Variants in SARNP observed in about 807,000 individuals in gnomAD.
The protein encoded by SARNP is SAP domain-containing ribonucleoprotein.
A neutral mutation model predicts 38.1 loss-of-function variants in SARNP; 5 were observed. The ratio of observed to expected loss-of-function variants is 0.13; its 90% CI spans 0.07 to 0.28. The LOEUF (loss-of-function observed/expected upper bound fraction) is 0.28, where lower values mean the gene tolerates loss of function less well. Among genes scored for constraint, SARNP ranks in the 10% least tolerant of loss-of-function variants. The pLI is 1.00. For missense variants in SARNP, 180 were observed against 243.9 expected, an observed-to-expected ratio of 0.74 and a Z score of 1.75; for synonymous variants, 84 against 80.6, an observed-to-expected ratio of 1.04 and a Z score of -0.23.
At chr12:55,753,359 T>A (rs575636447), downstream of SARNP, 1 of 152,310 alleles carries the variant, frequency 6.6e-6, no homozygotes, top group Admixed American at 6.5e-5. Context: ...TAAAATAGCA[T>A]CTCAAATATT....
chr12:55,777,104 T>C (rs1225143477), intron 9 of SARNP, among the ~76,000 whole-genome samples: 2 of 152,292 alleles, frequency 1.3e-5, no homozygotes, highest in Admixed American at 6.5e-5. Flanking sequence ...CCAGGGAAAA[T>C]AGAAAAGAGT....
chr12:55,790,813 C>T (rs1198472794), intron 7 of SARNP, among the ~76,000 whole-genome samples: 1 of 152,160 alleles, frequency 6.6e-6, no homozygotes, highest in African/African-American at 2.4e-5. Context: ...AAGATAAATA[C>T]AGTTACATAT....
At chr12:55,808,066 C>T (rs1880209106) in intron 1 of SARNP, among the ~76,000 whole-genome samples, 1 of 152,156 alleles carries the variant, frequency 6.6e-6, no homozygotes, top group South Asian at 2.1e-4. Context: ...TGTAGTGAGG[C>T]GTGAGCCACT....
At chr12:55,770,009 T>C (rs530100000) in intron 9 of SARNP, among the ~76,000 whole-genome samples, 3 of 152,050 alleles carry the variant, frequency 2.0e-5, no homozygotes, top group Non-Finnish European at 4.4e-5. Flanking sequence ...GCCAGAGGTA[T>C]TGAAGTGAGA....
chr12:55,810,373 A>G (rs1173833753), intron 1 of SARNP, among the ~76,000 whole-genome samples: 3 of 151,792 alleles, frequency 2.0e-5, no homozygotes, highest in African/African-American at 7.3e-5. Context: ...TCAGCCTCCC[A>G]AAGTGTTGGT....
At chr12:55,784,652 C>T (rs1313706375) in intron 9 of SARNP, among the ~76,000 whole-genome samples, 3 of 152,212 alleles carry the variant, frequency 2.0e-5, no homozygotes, top group African/African-American at 7.2e-5. Context: ...TTCTACGCCA[C>T]TCACAAGTAT....
intron 1 of SARNP, among the ~76,000 whole-genome samples, chr12:55,806,907 G>C (rs1001913099): frequency 6.6e-6 from 1 of 152,198 alleles, no homozygotes; most frequent in African/African-American, 2.4e-5. Flanking sequence ...TATTTATTAA[G>C]TACTAAATCA....
At chr12:55,802,414 A>C (rs1880006062) in intron 2 of SARNP, among the ~76,000 whole-genome samples, 1 of 151,858 alleles carries the variant, frequency 6.6e-6, no homozygotes, top group African/African-American at 2.4e-5. Flanking sequence ...AAAATTCAAA[A>C]CCTAAAATGC....
chr12:55,782,801 A>T (rs1879377835), intron 9 of SARNP, among the ~76,000 whole-genome samples: 1 of 152,164 alleles, frequency 6.6e-6, no homozygotes, highest in South Asian at 2.1e-4. Flanking sequence ...TATGTTGCCC[A>T]GGCTTCAAAC....
chr12:55,768,924 A>G (rs1255748537), intron 9 of SARNP, among the ~76,000 whole-genome samples: 1 of 151,758 alleles, frequency 6.6e-6, no homozygotes, highest in Non-Finnish European at 1.5e-5. Flanking sequence ...GGGTTTCACC[A>G]TGTTGGCCAG....
At chr12:55,777,787 C>T (rs1879225934) in intron 9 of SARNP, among the ~76,000 whole-genome samples, 1 of 152,128 alleles carries the variant, frequency 6.6e-6, no homozygotes, top group Non-Finnish European at 1.5e-5. Context: ...AATAGTGGGA[C>T]AGTAGAAAGA....
rs553901784 is a variant in SARNP, at chr12:55,785,120, TAATC to T, written c.501+3951_501+3954del. 6.7e-3 allele frequency among the ~76,000 whole-genome samples: 1,028 copies of T among 152,302 alleles called. 15 individuals are homozygous for T. Among genetic ancestry groups the T allele is most frequent in the African/African-American group, 0.024 (978 of 41,568 alleles). On this transcript the variant is annotated intron_variant, in intron 9 of 10. Coordinates refer to ENST00000336133, the MANE Select transcript of SARNP (RefSeq NM_033082.4). Reference sequence around the variant, plus strand: ...GTATTTTATAGAAGTATCCCTGTAATAATCAAAAAAATTTTTAAACTAGTTTTTT... The same window carrying T: ...GTATTTTATAGAAGTATCCCTGTAATAAAAAAATTTTTAAACTAGTTTTTT...
intron 9 of SARNP, among the ~76,000 whole-genome samples, chr12:55,766,183 C>T (rs370408436): frequency 1.3e-5 from 2 of 152,292 alleles, no homozygotes; most frequent in African/African-American, 4.8e-5. Context: ...ATCCCTCCCC[C>T]ACTACCCTCT....
chr12:55,815,094 C>T (rs1295935464), intron 1 of SARNP, among the ~76,000 whole-genome samples: 2 of 152,046 alleles, frequency 1.3e-5, no homozygotes, highest in African/African-American at 2.4e-5. Context: ...CCTTTGTCAC[C>T]CAGGCTGAAG....
At chr12:55,757,664 G>C in intron 10 of SARNP, 111 bp from the exon 11 acceptor site, 1 of 719,014 alleles carries the variant, frequency 1.4e-6, no homozygotes, top group Non-Finnish European at 2.3e-6. Context: ...CGAGAAGGAA[G>C]GATGGCCCAG....
chr12:55,817,635 T>C (rs1476439179), intron 1 of SARNP, 31 bp downstream of exon 1: 22 of 1,604,066 alleles, frequency 1.4e-5, no homozygotes, highest in Non-Finnish European at 1.8e-5. Context: ...CCTAGAAAAG[T>C]CCAACTCAGC....
chr12:55,775,377 TG>T (rs10707465), intron 9 of SARNP, among the ~76,000 whole-genome samples: 150,306 of 150,306 alleles, frequency 1, 75,153 homozygotes, highest in Non-Finnish European at 1. Context: ...CTGGCCAACA[TG>T]GGTGAAACCC....
chr12:55,758,644 CA>C (rs375098880), intron 10 of SARNP, among the ~76,000 whole-genome samples: 47 of 143,168 alleles, frequency 3.3e-4, no homozygotes, highest in African/African-American at 7.4e-4. Flanking sequence ...GACTCCATCT[CA>C]AAAAAAAAAA....
At chr12:55,813,350 A>G (rs1880387042) in intron 1 of SARNP, among the ~76,000 whole-genome samples, 1 of 152,140 alleles carries the variant, frequency 6.6e-6, no homozygotes, top group African/African-American at 2.4e-5. Context: ...GGTAAATAAT[A>G]TTTGAGTGAA....
Sources: allele counts gnomAD v4.1 joint callset (sites outside exome capture counted in the v4.1 genomes callset), GRCh38; gene constraint gnomAD v4.1.1; transcripts MANE v1.5; gene names NCBI Gene and HGNC (gene_info 2026-07-23, HGNC 2026-07-21).